NRG3: variants seen among roughly 807,000 people sequenced by gnomAD.
NRG3 encodes the protein neuregulin 3.
In NRG3, 31 loss-of-function variants were observed where a neutral mutation model predicts 66.9. That is an observed-to-expected ratio of 0.46 (90% confidence interval 0.35 to 0.63). The LOEUF (loss-of-function observed/expected upper bound fraction) is 0.63, where lower values mean the gene tolerates loss of function less well. Ranked by LOEUF, NRG3 falls within the 20% of genes least tolerant of loss-of-function variation. The probability of loss-of-function intolerance (pLI) is 0.00; values close to 1 mark genes in which losing one functional copy is unlikely to be tolerated. For synonymous variants in NRG3, 393 were observed against 359.4 expected (o/e 1.09, Z -1.06); for missense variants, 910 against 878.9 (o/e 1.04, Z -0.45).
chr10:81,961,489 TAA>T (rs1850358763), intron 1 of NRG3, among the ~76,000 whole-genome samples: 1 of 514 alleles, frequency 1.9e-3, no homozygotes. Flanking sequence ...ATTAATGAAC[TAA>T]TGAACTAATG....
intron 3 of NRG3, among the ~76,000 whole-genome samples, chr10:82,743,379 A>G (rs2058511965): frequency 6.6e-6 from 1 of 152,160 alleles, no homozygotes; most frequent in South Asian, 2.1e-4. Context: ...GATGTGATTC[A>G]GAGGAAGACT....
chr10:82,493,392 G>C (rs1484792905), intron 2 of NRG3, among the ~76,000 whole-genome samples: 5 of 152,104 alleles, frequency 3.3e-5, no homozygotes, highest in African/African-American at 1.2e-4. Flanking sequence ...TTGGTTTTCT[G>C]TTTCTGTGTT....
chr10:82,150,528 CACAAAAAA>C (rs1342177621), intron 1 of NRG3, among the ~76,000 whole-genome samples: 9 of 51,726 alleles, frequency 1.7e-4, no homozygotes, highest in South Asian at 7.6e-4. Flanking sequence ...AAAGAGCACA[CACAAAAAA>C]AAAAAAAAAA....
chr10:82,763,601 G>T (rs1024094301), intron 3 of NRG3, among the ~76,000 whole-genome samples: 1 of 151,964 alleles, frequency 6.6e-6, no homozygotes, highest in Non-Finnish European at 1.5e-5. Context: ...TTATCAATAT[G>T]TGCAGTTTTT....
intron 6 of NRG3, among the ~76,000 whole-genome samples, chr10:82,960,422 G>C (rs559459959): frequency 1.3e-5 from 2 of 151,114 alleles, no homozygotes; most frequent in Non-Finnish European, 2.9e-5. Flanking sequence ...CATGTTAGTG[G>C]AATAGTTGAA....
intron 1 of NRG3, among the ~76,000 whole-genome samples, chr10:82,245,152 C>T (rs867483781): frequency 6.6e-6 from 1 of 152,108 alleles, no homozygotes; most frequent in African/African-American, 2.4e-5. Flanking sequence ...GTTCCTGCAA[C>T]TAGAGGGTTC....
intron 2 of NRG3, among the ~76,000 whole-genome samples, chr10:82,526,678 T>G (rs1477617147): frequency 6.6e-6 from 1 of 151,862 alleles, no homozygotes; most frequent in Non-Finnish European, 1.5e-5. Context: ...AAGGTTTGAG[T>G]CCTCCAATCC....
intron 1 of NRG3, among the ~76,000 whole-genome samples, chr10:82,254,475 CAGTG>C (rs996152987): frequency 6.6e-6 from 1 of 152,158 alleles, no homozygotes. Flanking sequence ...ACCTCAGTGA[CAGTG>C]AGCACACCCA....
intron 2 of NRG3, among the ~76,000 whole-genome samples, chr10:82,678,536 C>T (rs2265393): frequency 0.28 from 42,028 of 152,018 alleles, 6,132 homozygotes; most frequent in Non-Finnish European, 0.29. Flanking sequence ...TGGATGTATA[C>T]GTGCAGGTCA....
intron 3 of NRG3, among the ~76,000 whole-genome samples, chr10:82,818,259 C>A (rs1351348993): frequency 2.0e-5 from 3 of 152,058 alleles, no homozygotes; most frequent in African/African-American, 4.8e-5. Context: ...TGCTGATGGG[C>A]AGTGAGGACA....
At chr10:82,041,375 G>A (rs963886955) in intron 1 of NRG3, among the ~76,000 whole-genome samples, 80 of 152,010 alleles carry the variant, frequency 5.3e-4, no homozygotes, top group Middle Eastern at 3.4e-3. Context: ...TGAGGTGAAG[G>A]CACATTTTCC....
chr10:81,909,971 T>C (rs750308498), intron 1 of NRG3, among the ~76,000 whole-genome samples: 12 of 152,206 alleles, frequency 7.9e-5, no homozygotes, highest in Non-Finnish European at 1.2e-4. Context: ...TTTTTCCCCT[T>C]GCTCTAAAAG....
intron 1 of NRG3, among the ~76,000 whole-genome samples, chr10:82,008,557 A>G (rs2061459826): frequency 1.3e-5 from 2 of 152,168 alleles, no homozygotes; most frequent in African/African-American, 2.4e-5. Context: ...AAGTTTAACC[A>G]AGGGGAGGGC....
chr10:82,918,125 CT>C (rs559261681), intron 4 of NRG3, among the ~76,000 whole-genome samples: 166 of 151,958 alleles, frequency 1.1e-3, no homozygotes, highest in African/African-American at 3.8e-3. Context: ...CTGAAATATG[CT>C]CTAATCACCA....
At chr10:82,241,377 C>G (rs900501022) in intron 1 of NRG3, among the ~76,000 whole-genome samples, 10 of 152,052 alleles carry the variant, frequency 6.6e-5, no homozygotes, top group African/African-American at 2.2e-4. Flanking sequence ...ATGTCTATAT[C>G]TGACAGTATA....
At chr10:82,861,985 C>A (rs1412922) in intron 3 of NRG3, among the ~76,000 whole-genome samples, 7,605 of 152,186 alleles carry the variant, frequency 0.05, 239 homozygotes, top group African/African-American at 0.094. Context: ...CTCCAATGTC[C>A]TAGGTACCAC....
chr10:82,609,604 G>A (rs2048182150), intron 2 of NRG3, among the ~76,000 whole-genome samples: 1 of 150,590 alleles, frequency 6.6e-6, no homozygotes, highest in Admixed American at 6.6e-5. Flanking sequence ...AAAAAAAAGA[G>A]AGAGAGAAAA....
At chr10:82,717,416 T>G (rs2057040457) in intron 2 of NRG3, among the ~76,000 whole-genome samples, 1 of 84,170 alleles carries the variant, frequency 1.2e-5, no homozygotes, top group Non-Finnish European at 2.6e-5. Flanking sequence ...TTTTTTTTTT[T>G]TGAGATGGAG....
chr10:82,235,154 C>T (rs1254479451), intron 1 of NRG3, among the ~76,000 whole-genome samples: 1 of 152,206 alleles, frequency 6.6e-6, no homozygotes, highest in African/African-American at 2.4e-5. Flanking sequence ...CCAGATCCAG[C>T]CTGCCAGTTG....
Sources: gnomAD v4.1 joint callset for allele counts (sites outside exome capture counted in the v4.1 genomes callset) on GRCh38, gnomAD v4.1.1 for gene constraint, MANE v1.5 for transcripts, NCBI Gene and HGNC (gene_info 2026-07-23, HGNC 2026-07-21) for gene names.